RELCH: variants seen among roughly 807,000 people sequenced by gnomAD.
RELCH encodes RAB11-binding protein RELCH.
Under a neutral mutation model 150.3 loss-of-function variants are expected in RELCH, and 41 were observed. The observed-to-expected ratio is 0.27, with a 90% CI of 0.21 to 0.35. RELCH has a LOEUF of 0.35. Among genes scored for constraint, RELCH ranks in the 10% least tolerant of loss-of-function variants. RELCH has a pLI of 1.00. For synonymous variants in RELCH, 478 were observed against 531.8 expected (o/e 0.90, Z 1.39); for missense variants, 1,092 against 1,467.8 (o/e 0.74, Z 4.18).
chr18:62,187,628 G>A lies in RELCH; in HGVS notation c.123G>A (p.Leu41=), dbSNP rs1417553883. 14 of 1,537,682 alleles carry A rather than the reference G, an allele frequency of 9.1e-6. No homozygotes were observed. Among genetic ancestry groups the A allele is most frequent in the Non-Finnish European group, 1.2e-5 (14 of 1,140,550 alleles). Residue 41 remains leucine (L), a synonymous_variant, in exon 1 of 29, where the codon CTG becomes CTA. Transcript: ENST00000644646. Reference sequence around the variant, plus strand: ...AGGAACGGCGGGCAGTACTTCGGCTGGGCGCCGGAAGTGGCCTAGATCCTG... The same window carrying A: ...AGGAACGGCGGGCAGTACTTCGGCTAGGCGCCGGAAGTGGCCTAGATCCTG... The part of the protein sequence containing the change: ...ATEERRAVLR[L]GAGSGLDPGS...
rs150469870 is a variant in RELCH at position 62,246,494 on chromosome 18, T to C, written c.1733+1618T>C. 15 of 152,342 alleles carry C rather than the reference T, an allele frequency of 9.8e-5. No individual in the cohort carries two copies. The East Asian group carries it at 2.9e-3, about 29-fold the overall frequency. 9.4% of individuals were successfully genotyped at this position (152,342 alleles called of 1,614,324 possible). ...ATTTCCTTCCCAAATTGGAATTTGCTATTGAAGACATTTAAAAAGTATAAA... is the reference window on the plus strand; with the variant it reads ...ATTTCCTTCCCAAATTGGAATTTGCCATTGAAGACATTTAAAAAGTATAAA... On this transcript the variant is annotated intron_variant, in intron 11 of 28. Transcript: ENST00000644646.
chr18:62,277,997 C>A (rs975712008), intron 22 of RELCH: 37 of 213,592 alleles, frequency 1.7e-4, no homozygotes, highest in African/African-American at 8.4e-4. Flanking sequence ...CTTTCCGAAG[C>A]CTCAGTTTCT....
At chr18:62,228,661 A>G in intron 8 of RELCH, 63 bp downstream of exon 8, 1 of 1,291,840 alleles carries the variant, frequency 7.7e-7, no homozygotes, top group East Asian at 2.5e-5. Context: ...TCAAACGGGA[A>G]GAGCTACTGT....
At position 62,187,623 on chromosome 18, in the gene RELCH, C is replaced by T; in HGVS notation, c.118C>T (p.Arg40Trp). The change falls in exon 1 of 29, where the codon CGG becomes TGG. Residue 40 changes from arginine (R) to tryptophan (W), a missense_variant. Physicochemically the swap from Arg to Trp is moderately radical, Grantham distance 101. Coordinates refer to ENST00000644646, the MANE Select transcript of RELCH (RefSeq NM_001346231.2). Reference sequence around the variant, plus strand: ...AACAGAGGAACGGCGGGCAGTACTTCGGCTGGGCGCCGGAAGTGGCCTAGA... The same window carrying T: ...AACAGAGGAACGGCGGGCAGTACTTTGGCTGGGCGCCGGAAGTGGCCTAGA... ...AATEERRAVL[R>W]LGAGSGLDPG... The T allele has an allele frequency of 6.5e-7, 1 of 1,536,890 alleles. No homozygotes were observed. The highest frequency in any genetic ancestry group is 1.2e-5 in the South Asian group (1 of 80,542).
chr18:62,194,213 C>A (rs1423611972), intron 1 of RELCH, among the ~76,000 whole-genome samples: 2 of 152,116 alleles, frequency 1.3e-5, no homozygotes, highest in Non-Finnish European at 2.9e-5. Context: ...CCACTGCACT[C>A]CAGCCTGGGA....
rs765776381 is a variant in RELCH, at chr18:62,221,396, C to A, written c.757C>A (p.Pro253Thr). 10 of 1,599,952 alleles carry A rather than the reference C, an allele frequency of 6.3e-6. No individual in the cohort carries two copies. In the African/African-American group the frequency reaches 1.2e-4, roughly 19 times the overall value. ...SSPEIQEPIK[P>T]LEKRALNFLV... ...ATTTTGCTTCCAGGAGCCAATCAAA[C>A]CTCTTGAAAAGAGAGCTCTAAACTT... Residue 253 changes from proline to threonine, a missense_variant, in exon 5 of 29, where the codon CCT (proline) becomes ACT (threonine). Pro to Thr is a conservative substitution (Grantham distance 38). Around this residue, in one of 4 missense-constraint regions of RELCH, gnomAD observed 190 missense variants for 276.2 expected, o/e 0.69. Coordinates refer to ENST00000644646, the MANE Select transcript of RELCH (RefSeq NM_001346231.2).
chr18:62,269,283 A>G (rs1362174847), intron 20 of RELCH: 1 of 279,352 alleles, frequency 3.6e-6, no homozygotes, highest in African/African-American at 2.3e-5. Flanking sequence ...CTAAGCTACA[A>G]AGCACTGTAG....
chr18:62,255,324 G>A (rs1353394535), intron 12 of RELCH, 83 bp from the exon 13 acceptor site: 2 of 941,090 alleles, frequency 2.1e-6, no homozygotes, highest in East Asian at 2.4e-5. Context: ...TTCTTAACAG[G>A]ATTTGTGGTG....
At chr18:62,201,212 A>T (rs2039421709) in intron 1 of RELCH, among the ~76,000 whole-genome samples, 1 of 151,758 alleles carries the variant, frequency 6.6e-6, no homozygotes, top group African/African-American at 2.4e-5. Context: ...TGACCTTGTG[A>T]TCCGCCTGCC....
intron 2 of RELCH, among the ~76,000 whole-genome samples, chr18:62,217,275 G>A (rs749498864): frequency 2.0e-5 from 3 of 151,956 alleles, no homozygotes; most frequent in Non-Finnish European, 4.4e-5. Flanking sequence ...GGTTAGATAA[G>A]TTTAGAAAAT....
At chr18:62,260,681 T>C (rs1600126690) in intron 15 of RELCH, among the ~76,000 whole-genome samples, 1 of 151,888 alleles carries the variant, frequency 6.6e-6, no homozygotes, top group East Asian at 1.9e-4. Flanking sequence ...TGTCCATCAG[T>C]AGATGAATAG....
chr18:62,191,870 C>G (rs754335799), intron 1 of RELCH, among the ~76,000 whole-genome samples: 1 of 152,262 alleles, frequency 6.6e-6, no homozygotes, highest in African/African-American at 2.4e-5. Context: ...ATGCCTGTAT[C>G]TTTATAATAG....
At chr18:62,231,022 AT>A (rs2041533272) in intron 8 of RELCH, among the ~76,000 whole-genome samples, 171 bp from the exon 9 acceptor site, 1 of 152,060 alleles carries the variant, frequency 6.6e-6, no homozygotes, top group Non-Finnish European at 1.5e-5. Context: ...AGTGACCTGT[AT>A]AAGTTTCTCC....
intron 1 of RELCH, among the ~76,000 whole-genome samples, chr18:62,203,108 A>C (rs1568306253): frequency 6.6e-6 from 1 of 152,236 alleles, no homozygotes; most frequent in African/African-American, 2.4e-5. Flanking sequence ...ACAAGATCAA[A>C]AGACATGAAT....
chr18:62,219,325 C>CTTTT (rs202196452), intron 2 of RELCH, among the ~76,000 whole-genome samples: 20 of 112,854 alleles, frequency 1.8e-4, no homozygotes, highest in Non-Finnish European at 3.0e-4. Flanking sequence ...TTCTTTTTTT[C>CTTTT]TTTTTTTTTT....
rs147870131 is a variant in RELCH, at chr18:62,231,266, C to T, written c.1521C>T (p.Tyr507=). 7.8e-5 allele frequency: 124 copies of T among 1,592,440 alleles called. No individual in the cohort carries two copies. Among genetic ancestry groups the T allele is most frequent in the South Asian group, 7.5e-4 (68 of 90,382 alleles). The part of the protein sequence containing the change: ...CRMSADSRLG[Y]EVSRIADSEK... ...TGTCAGCAGATAGTCGTTTAGGATA[C>T]GAGGTAAATTATACCACCTATTTCC... The change falls in exon 9 of 29, where the codon TAC becomes TAT. Residue 507 remains tyrosine (Y), a synonymous_variant. Transcript: ENST00000644646.
intron 8 of RELCH, among the ~76,000 whole-genome samples, chr18:62,230,925 T>A (rs1345390006): frequency 6.6e-6 from 1 of 152,062 alleles, no homozygotes; most frequent in African/African-American, 2.4e-5. Flanking sequence ...CCACTTTAGG[T>A]TTGATCCACT....
rs1206752095 is a variant in RELCH at position 62,310,072 on chromosome 18, A to G, written c.*4538A>G. On this transcript the variant is annotated 3_prime_UTR_variant, in exon 29 of 29. Transcript: ENST00000644646. ...CAGATAATCTCTCTATAAAATGTAC[A>G]TTGCTGAGTAATATAAATATAATAA... The G allele has an allele frequency of 7.6e-6, 1 of 130,856 alleles. No homozygotes were observed. The highest frequency in any genetic ancestry group is 1.6e-5 in the Non-Finnish European group (1 of 61,440). 8.1% of individuals were successfully genotyped at this position (130,856 alleles called of 1,614,324 possible).
At position 62,187,700 on chromosome 18, in the gene RELCH, C is replaced by T. The variant is rs1276195669; in HGVS notation, c.195C>T (p.Ser65=). ...LSPQDPVALG[S]SARPGLPGEA... Reference sequence around the variant, plus strand: ...CACAGGATCCCGTGGCCTTAGGAAGCAGTGCGCGGCCAGGGCTCCCTGGGG... The same window carrying T: ...CACAGGATCCCGTGGCCTTAGGAAGTAGTGCGCGGCCAGGGCTCCCTGGGG... Residue 65 remains serine (S), a synonymous_variant, in exon 1 of 29, where the codon AGC becomes AGT. Coordinates refer to ENST00000644646, the MANE Select transcript of RELCH (RefSeq NM_001346231.2). The T allele has an allele frequency of 6.3e-7, 1 of 1,594,386 alleles. No individual in the cohort carries two copies. Among genetic ancestry groups the T allele is most frequent in the Admixed American group, 1.7e-5 (1 of 58,658 alleles).
Sources: gnomAD v4.1 joint callset for allele counts (sites outside exome capture counted in the v4.1 genomes callset) on GRCh38, gnomAD v4.1.1 for gene constraint, gnomAD v4.1.1 regional missense constraint, MANE v1.5 for transcripts, NCBI Gene and HGNC (gene_info 2026-07-23, HGNC 2026-07-21) for gene names.